The following CTNNA3 variants were observed in gnomAD, a reference collection of about 807,000 sequenced individuals.
CTNNA3 encodes catenin alpha-3.
In CTNNA3, 76 loss-of-function variants were observed where a neutral mutation model predicts 95.7. The ratio of observed to expected loss-of-function variants is 0.79; its 90% CI spans 0.66 to 0.96. The LOEUF (loss-of-function observed/expected upper bound fraction) is 0.96. Ranked by LOEUF, CTNNA3 falls within the 40% of genes least tolerant of loss-of-function variation. The pLI, the probability that CTNNA3 is intolerant of heterozygous loss-of-function variation, is 0.00. For missense variants in CTNNA3, 1,191 were observed against 1,089.8 expected, an observed-to-expected ratio of 1.09 and a Z score of -1.31; for synonymous variants, 431 against 374.4, an observed-to-expected ratio of 1.15 and a Z score of -1.74.
At chr10:66,792,725 A>G (rs1841024695) in intron 7 of CTNNA3, among the ~76,000 whole-genome samples, 1 of 152,188 alleles carries the variant, frequency 6.6e-6, no homozygotes, top group South Asian at 2.1e-4. Flanking sequence ...ATCAAAATCT[A>G]TGCTGGAGTA....
chr10:66,838,593 T>C (rs1177431273), intron 7 of CTNNA3, among the ~76,000 whole-genome samples: 1 of 152,148 alleles, frequency 6.6e-6, no homozygotes, highest in African/African-American at 2.4e-5. Flanking sequence ...GAGATAACTA[T>C]CATAGGCTTG....
At chr10:66,082,143 A>C (rs950832863) in intron 14 of CTNNA3, among the ~76,000 whole-genome samples, 1 of 151,922 alleles carries the variant, frequency 6.6e-6, no homozygotes, top group African/African-American at 2.4e-5. Context: ...AATAAACATA[A>C]AAACTGGCAC....
rs575556990 is a variant in CTNNA3, at chr10:66,679,700, A to T, written c.1282-57916T>A. Reference sequence around the variant, plus strand: ...ATACTCTTTTTTACTAAATAAAAACATAAGTGGGAAAAATAAGCTAAAGGG... The same window carrying T: ...ATACTCTTTTTTACTAAATAAAAACTTAAGTGGGAAAAATAAGCTAAAGGG... On this transcript the variant is annotated intron_variant, in intron 9 of 17. Coordinates refer to ENST00000433211, the MANE Select transcript of CTNNA3 (RefSeq NM_013266.4). 9.8e-5 allele frequency among the ~76,000 whole-genome samples: 15 copies of T among 152,328 alleles called. No homozygotes were observed. In the South Asian group the frequency reaches 2.9e-3, roughly 29 times the overall value.
chr10:67,544,375 T>C (rs1252313412), intron 3 of CTNNA3, among the ~76,000 whole-genome samples: 1 of 152,048 alleles, frequency 6.6e-6, no homozygotes, highest in Non-Finnish European at 1.5e-5. Context: ...ATGAGCCCTT[T>C]GATAGCCCCA....
chr10:66,545,206 G>A (rs1043103556), intron 10 of CTNNA3, among the ~76,000 whole-genome samples: 2 of 151,934 alleles, frequency 1.3e-5, no homozygotes, highest in Non-Finnish European at 2.9e-5. Flanking sequence ...TTGTGGAAAA[G>A]AATATTATCA....
At chr10:67,652,064 C>T (rs952816047) in intron 1 of CTNNA3, among the ~76,000 whole-genome samples, 2 of 152,214 alleles carry the variant, frequency 1.3e-5, no homozygotes, top group Non-Finnish European at 2.9e-5. Flanking sequence ...AAGGTACTGG[C>T]CCATCTGGTG....
At chr10:67,366,801 G>A (rs1321120434) in intron 5 of CTNNA3, among the ~76,000 whole-genome samples, 1 of 152,080 alleles carries the variant, frequency 6.6e-6, no homozygotes, top group African/African-American at 2.4e-5. Context: ...GAGATAACTG[G>A]CTATCCATAT....
chr10:67,190,527 A>T (rs1863073661), intron 6 of CTNNA3, among the ~76,000 whole-genome samples: 1 of 152,010 alleles, frequency 6.6e-6, no homozygotes. Context: ...TAAAAATACA[A>T]AGTAATTAAA....
chr10:67,691,522 T>C (rs1840852823), intron 1 of CTNNA3, among the ~76,000 whole-genome samples: 1 of 146,850 alleles, frequency 6.8e-6, no homozygotes, highest in South Asian at 2.2e-4. Context: ...GTCTGAGATG[T>C]GGGGAGCACC....
At chr10:66,749,889 G>C (rs1382394118) in intron 9 of CTNNA3, among the ~76,000 whole-genome samples, 1 of 152,330 alleles carries the variant, frequency 6.6e-6, no homozygotes, top group Non-Finnish European at 1.5e-5. Flanking sequence ...GGTATTGCCA[G>C]TATCTTGGAT....
chr10:66,621,650 T>C, intron 10 of CTNNA3, 42 bp downstream of exon 10: 1 of 1,163,812 alleles, frequency 8.6e-7, no homozygotes. Flanking sequence ...CATTAGGAAT[T>C]ATATATAATT....
intron 5 of CTNNA3, among the ~76,000 whole-genome samples, chr10:67,286,958 C>A (rs571114330): frequency 6.6e-6 from 1 of 152,304 alleles, no homozygotes; most frequent in East Asian, 1.9e-4. Flanking sequence ...TGGACAGATT[C>A]TTGAACACAA....
intron 15 of CTNNA3, among the ~76,000 whole-genome samples, chr10:66,059,200 T>C (rs10996869): frequency 0.18 from 26,813 of 152,084 alleles, 2,903 homozygotes; most frequent in Middle Eastern, 0.24. Flanking sequence ...GTAAGGAAAA[T>C]TGGCATCTCA....
intron 12 of CTNNA3, among the ~76,000 whole-genome samples, chr10:66,321,354 A>G (rs1344646474): frequency 6.6e-6 from 1 of 152,136 alleles, no homozygotes; most frequent in African/African-American, 2.4e-5. Flanking sequence ...AGGTAAATTT[A>G]TACCTTAGGG....
intron 10 of CTNNA3, among the ~76,000 whole-genome samples, chr10:66,570,524 T>TG (rs1842839676): frequency 6.6e-6 from 1 of 151,970 alleles, no homozygotes; most frequent in African/African-American, 2.4e-5. Context: ...CTTGACCTCG[T>TG]GATCCACCCA....
intron 13 of CTNNA3, among the ~76,000 whole-genome samples, chr10:66,277,128 G>A (rs2091414957): frequency 1.3e-5 from 2 of 152,058 alleles, no homozygotes; most frequent in Non-Finnish European, 2.9e-5. Context: ...AAATGTCACA[G>A]TATTTAGTGA....
At chr10:67,542,155 T>C (rs1840702749) in intron 3 of CTNNA3, among the ~76,000 whole-genome samples, 1 of 152,118 alleles carries the variant, frequency 6.6e-6, no homozygotes, top group Non-Finnish European at 1.5e-5. Context: ...ACTTAAATTC[T>C]TATTGCTGGA....
At chr10:66,027,177 C>A (rs1481000179) in intron 15 of CTNNA3, among the ~76,000 whole-genome samples, 1 of 151,928 alleles carries the variant, frequency 6.6e-6, no homozygotes, top group Non-Finnish European at 1.5e-5. Flanking sequence ...TGACATTAGG[C>A]AAATTACTTA....
rs892901254 is a variant in CTNNA3 at position 67,742,728 on chromosome 10, A to T, written c.-2+20706T>A. 5.3e-5 allele frequency among the ~76,000 whole-genome samples: 8 copies of T among 151,226 alleles called. No individual in the cohort carries two copies. In the East Asian group the frequency reaches 1.5e-3, roughly 29 times the overall value. On this transcript the variant is annotated intron_variant, in intron 1 of 17. Transcript: ENST00000684154. ...GAATCCAGGAGCTGGTTTTTTGAAA[A>T]GATCAACAAAATTGATAGACCGCTA...
Sources: allele counts gnomAD v4.1 joint callset (sites outside exome capture counted in the v4.1 genomes callset), GRCh38; gene constraint gnomAD v4.1.1; transcripts MANE v1.5; gene names NCBI Gene and HGNC (gene_info 2026-07-23, HGNC 2026-07-21).